Variants in COL5A2 observed in about 807,000 individuals in gnomAD.
The protein encoded by COL5A2 is collagen type V alpha 2 chain.
A neutral mutation model predicts 208.2 loss-of-function variants in COL5A2; 23 were observed. The observed-to-expected ratio is 0.11, with a 90% CI of 0.08 to 0.16. The LOEUF (loss-of-function observed/expected upper bound fraction) is 0.16. COL5A2 is among the 10% of genes least tolerant of loss of function. The pLI is 1.00. For synonymous variants in COL5A2, 625 were observed against 628.5 expected, an observed-to-expected ratio of 0.99 and a Z score of 0.08; for missense variants, 1,590 against 1,956.4, an observed-to-expected ratio of 0.81 and a Z score of 3.53.
the COL5A2 span, among the ~76,000 whole-genome samples, chr2:189,384,773 T>G: frequency 6.6e-6 from 1 of 152,184 alleles, no homozygotes; most frequent in African/African-American, 2.4e-5. Flanking sequence ...TTGTCCATTT[T>G]TGCTTTTGTT....
chr2:189,084,200 C>A (rs562624956), intron 11 of COL5A2, among the ~76,000 whole-genome samples, 163 bp from the exon 12 acceptor site: 1 of 152,258 alleles, frequency 6.6e-6, no homozygotes, highest in East Asian at 1.9e-4. Context: ...AGGCTCTATT[C>A]CTTATATTCC....
At chr2:189,194,369 C>G (rs557522175) in intron 1 of COL5A2, among the ~76,000 whole-genome samples, 2 of 152,150 alleles carry the variant, frequency 1.3e-5, no homozygotes, top group Non-Finnish European at 2.9e-5. Context: ...AACCCACTAC[C>G]CTAATATAAT....
chr2:189,225,029 AT>A (rs1305820092), intron 1 of COL5A2, among the ~76,000 whole-genome samples: 1 of 152,186 alleles, frequency 6.6e-6, no homozygotes, highest in African/African-American at 2.4e-5. Flanking sequence ...ACAATGAGAC[AT>A]TTTACAATTA....
chr2:189,046,501 T>C (rs907600327), intron 45 of COL5A2, among the ~76,000 whole-genome samples: 2 of 152,188 alleles, frequency 1.3e-5, no homozygotes, highest in Admixed American at 6.5e-5. Context: ...CCAGAATGCA[T>C]AGTTTACTTG....
chr2:189,235,008 G>GAT, the COL5A2 span, among the ~76,000 whole-genome samples: 3 of 151,642 alleles, frequency 2.0e-5, no homozygotes, highest in African/African-American at 7.2e-5. Context: ...ACATTATTGA[G>GAT]ATATTACATT....
In COL5A2 at chr2:189,060,689, G is replaced by C. The variant is rs377692394; in HGVS notation, c.2085+41C>G. The C allele has an allele frequency of 2.2e-4, 326 of 1,510,330 alleles. 1 individual carries two copies. The Middle Eastern group carries it at 4.5e-3, about 21-fold the overall frequency. 93.6% of individuals were successfully genotyped at this position (1,510,330 alleles called of 1,614,324 possible). A position where few individuals can be genotyped will look rare whatever the true frequency, so the allele number is the denominator to read the frequency against. ...CACATAAAAAGTGATAATTGAGCCA[G>C]CAATGTATAGTGTTGCCATTATTAT... On this transcript the variant is annotated intron_variant, in intron 31 of 53. Transcript: ENST00000374866.
At chr2:189,245,135 T>C in the COL5A2 span, among the ~76,000 whole-genome samples, 1 of 152,186 alleles carries the variant, frequency 6.6e-6, no homozygotes, top group East Asian at 1.9e-4. Flanking sequence ...GAGATCTGGA[T>C]GGGGACACAG....
chr2:189,272,450 G>C, the COL5A2 span, among the ~76,000 whole-genome samples: 3 of 152,102 alleles, frequency 2.0e-5, no homozygotes, highest in African/African-American at 7.2e-5. Flanking sequence ...TCATAGGTAG[G>C]AGTTGAACAA....
rs770812483 is a variant in COL5A2 at position 189,053,905 on chromosome 2, C to T, written c.2489G>A (p.Arg830Gln). The change falls in exon 37 of 54, where the codon CGG becomes CAG. Residue 830 changes from arginine (R) to glutamine (Q), a missense_variant. Arg to Gln is a conservative substitution (Grantham distance 43, BLOSUM62 1). Transcript: ENST00000374866. ...AATACTGTCACTTACAGGATTGCCC[C>T]GGGAGCCAGGAGGGCCAACTAAACC... Reference protein sequence around the residue: ...PRGLVGPPGSRGNPGSRGENG... With the variant: ...PRGLVGPPGSQGNPGSRGENG... 8.1e-6 allele frequency: 13 copies of T among 1,613,706 alleles called. No individual in the cohort carries two copies. Among genetic ancestry groups the T allele is most frequent in the Admixed American group, 6.7e-5 (4 of 59,974 alleles).
the COL5A2 span, among the ~76,000 whole-genome samples, chr2:189,257,093 A>T: frequency 6.6e-6 from 1 of 152,228 alleles, no homozygotes; most frequent in Non-Finnish European, 1.5e-5. Context: ...TCTGTGATCT[A>T]AGTACCTAGA....
chr2:189,402,386 T>C, the COL5A2 span, among the ~76,000 whole-genome samples: 2 of 152,098 alleles, frequency 1.3e-5, no homozygotes, highest in African/African-American at 4.8e-5. Context: ...CCCAGTTAAT[T>C]TTTGAATTTT....
the COL5A2 span, among the ~76,000 whole-genome samples, chr2:189,392,759 A>G: frequency 6.6e-6 from 1 of 152,176 alleles, no homozygotes; most frequent in Non-Finnish European, 1.5e-5. Flanking sequence ...AAATGGCCCA[A>G]GGTGCAGGTA....
rs373238872 is a variant in COL5A2, at chr2:189,080,937, A to G, written c.906+53T>C. ...AGATTTTGAAGGTAAATCTCCCCAG[A>G]GCCTGTTCACTAAACCACAGTATCT... On this transcript the variant is annotated intron_variant, in intron 13 of 53. Coordinates refer to ENST00000374866, the MANE Select transcript of COL5A2 (RefSeq NM_000393.5). 74 of 1,419,346 alleles carry G rather than the reference A, an allele frequency of 5.2e-5. 1 individual carries two copies. In the Admixed American group the frequency reaches 1.0e-3, roughly 20 times the overall value. 87.9% of individuals were successfully genotyped at this position (1,419,346 alleles called of 1,614,324 possible). A position where few individuals can be genotyped will look rare whatever the true frequency, so the allele number is the denominator to read the frequency against.
the COL5A2 span, among the ~76,000 whole-genome samples, chr2:189,336,830 T>C: frequency 4.6e-5 from 7 of 152,128 alleles, no homozygotes; most frequent in Non-Finnish European, 1.0e-4. Flanking sequence ...ACTTAAGACC[T>C]TTCACATTCT....
intron 1 of COL5A2, among the ~76,000 whole-genome samples, chr2:189,223,579 TCAA>T (rs1296565704): frequency 6.6e-6 from 1 of 152,156 alleles, no homozygotes; most frequent in Non-Finnish European, 1.5e-5. Flanking sequence ...CACGTGTGTA[TCAA>T]CAACATCGTG....
chr2:189,431,988 T>C, the COL5A2 span, among the ~76,000 whole-genome samples: 45 of 152,268 alleles, frequency 3.0e-4, 1 homozygote, highest in East Asian at 3.3e-3. Flanking sequence ...ATCAGACTAA[T>C]AGCAGATCTC....
chr2:189,126,358 T>G (rs1177581089), intron 1 of COL5A2, among the ~76,000 whole-genome samples: 1 of 152,060 alleles, frequency 6.6e-6, no homozygotes, highest in Non-Finnish European at 1.5e-5. Flanking sequence ...AGTAATATTT[T>G]TATTTTAAAA....
At chr2:189,211,587 T>C (rs1294039424) in intron 1 of COL5A2, among the ~76,000 whole-genome samples, 1 of 152,118 alleles carries the variant, frequency 6.6e-6, no homozygotes, top group Non-Finnish European at 1.5e-5. Context: ...ACAGTCCATA[T>C]ATTTAAAAAA....
At chr2:189,239,649 T>G in the COL5A2 span, among the ~76,000 whole-genome samples, 2 of 146,616 alleles carry the variant, frequency 1.4e-5, no homozygotes, top group African/African-American at 5.0e-5. Flanking sequence ...GGGATAGCAT[T>G]GGGAGATATA....
Sources: allele counts gnomAD v4.1 joint callset (sites outside exome capture counted in the v4.1 genomes callset), GRCh38; gene constraint gnomAD v4.1.1; transcripts MANE v1.5; gene names NCBI Gene and HGNC (gene_info 2026-07-23, HGNC 2026-07-21).